DHX35: variants seen among roughly 807,000 people sequenced by gnomAD.
The protein encoded by DHX35 is probable ATP-dependent RNA helicase DHX35.
DHX35 carries 84 observed loss-of-function variants against 99.6 expected under a neutral mutation model. That is an observed-to-expected ratio of 0.84 (90% CI 0.71 to 1.01). The LOEUF (loss-of-function observed/expected upper bound fraction) is 1.01, where lower values mean the gene tolerates loss of function less well. Among genes scored for constraint, DHX35 ranks in the 50% least tolerant of loss-of-function variants. DHX35 has a pLI of 0.00. For missense variants in DHX35, 852 were observed against 888.5 expected, an observed-to-expected ratio of 0.96 and a Z score of 0.52; for synonymous variants, 331 against 316.2, an observed-to-expected ratio of 1.05 and a Z score of -0.50.
intron 18 of DHX35, among the ~76,000 whole-genome samples, chr20:39,026,629 C>T (rs1270592512): frequency 4.6e-5 from 7 of 152,068 alleles, no homozygotes; most frequent in East Asian, 1.9e-4. Context: ...GGTGGGAGTC[C>T]GGTCAAGCTT....
At chr20:39,015,175 A>C (rs1424969048) in intron 14 of DHX35, among the ~76,000 whole-genome samples, 1 of 152,164 alleles carries the variant, frequency 6.6e-6, no homozygotes, top group Non-Finnish European at 1.5e-5. Context: ...TATTAGTAAG[A>C]ATCACCAGGG....
At chr20:39,034,928 A>T (rs1318909215) in intron 21 of DHX35, among the ~76,000 whole-genome samples, 3 of 151,816 alleles carry the variant, frequency 2.0e-5, no homozygotes, top group Non-Finnish European at 2.9e-5. Flanking sequence ...TGAGCTAATT[A>T]AAAAAAATTT....
chr20:39,024,623 C>G (rs1377780700), intron 17 of DHX35, among the ~76,000 whole-genome samples: 1 of 152,192 alleles, frequency 6.6e-6, no homozygotes, highest in African/African-American at 2.4e-5. Context: ...TTGTATTATT[C>G]TATGGTTGCC....
At chr20:38,971,717 GTAT>G (rs1181508319) in intron 2 of DHX35, among the ~76,000 whole-genome samples, 1 of 152,032 alleles carries the variant, frequency 6.6e-6, no homozygotes, top group African/African-American at 2.4e-5. Context: ...AGTTACTAGG[GTAT>G]TATTCACACT....
At chr20:38,976,748 C>T (rs543856833) in intron 3 of DHX35, among the ~76,000 whole-genome samples, 1 of 152,282 alleles carries the variant, frequency 6.6e-6, no homozygotes, top group African/African-American at 2.4e-5. Flanking sequence ...ATTCTCCCTA[C>T]TCCCTGTTCC....
Position 39,006,228 on chromosome 20 carries a change from T to A in DHX35, c.1094T>A (p.Leu365His), listed in dbSNP as rs2086614384. Residue 365 changes from leucine to histidine, a missense_variant, in exon 12 of 22, where the codon CTC becomes CAC. Physicochemically the swap from Leu to His is moderately conservative, Grantham distance 99. Transcript: ENST00000252011. Reference protein sequence around the residue: ...VYVIDCGFVKLRAYNPRTAIE... With the variant: ...VYVIDCGFVKHRAYNPRTAIE... Reference sequence around the variant, plus strand: ...GTGATCGACTGTGGCTTTGTGAAACTCCGAGCCTACAATCCCAGGACAGCT... The same window carrying A: ...GTGATCGACTGTGGCTTTGTGAAACACCGAGCCTACAATCCCAGGACAGCT... 1 of 1,614,144 alleles carries A rather than the reference T, an allele frequency of 6.2e-7. No individual in the cohort carries two copies. Among genetic ancestry groups the A allele is most frequent in the Non-Finnish European group, 8.5e-7 (1 of 1,180,028 alleles).
chr20:39,034,042 A>AG, intron 20 of DHX35, 164 bp from the exon 21 acceptor site: 1 of 601,422 alleles, frequency 1.7e-6, no homozygotes, highest in Non-Finnish European at 3.0e-6. Context: ...CCCAGCACTT[A>AG]GGTCTTGAGG....
intron 5 of DHX35, among the ~76,000 whole-genome samples, 162 bp downstream of exon 5, chr20:38,989,079 G>C (rs2086293531): frequency 6.6e-6 from 1 of 150,980 alleles, no homozygotes; most frequent in African/African-American, 2.4e-5. Context: ...CTAGGAGACA[G>C]AGAGCTCTTC....
chr20:38,972,004 G>GTTTTTTTTT (rs752049458), intron 2 of DHX35, among the ~76,000 whole-genome samples: 112 of 81,002 alleles, frequency 1.4e-3, no homozygotes, highest in South Asian at 2.5e-3. Context: ...GTTTTGTTTT[G>GTTTTTTTTT]TTTTTTTTTT....
intron 19 of DHX35, chr20:39,030,124 CAT>C (rs955135314): frequency 4.6e-5 from 7 of 152,456 alleles, no homozygotes; most frequent in Non-Finnish European, 7.3e-5. Context: ...GGATTACAGG[CAT>C]GTGACACCAC....
At chr20:39,024,461 A>G in intron 17 of DHX35, among the ~76,000 whole-genome samples, 1 of 152,238 alleles carries the variant, frequency 6.6e-6, no homozygotes, top group East Asian at 1.9e-4. Context: ...TTTGAGGAAG[A>G]TTATTCAGTT....
chr20:38,972,013 T>G (rs1436360809), intron 2 of DHX35, among the ~76,000 whole-genome samples: 17 of 142,148 alleles, frequency 1.2e-4, no homozygotes, highest in African/African-American at 2.1e-4. Context: ...TGTTTTTTTT[T>G]TTTTTTTTTT....
At chr20:39,025,570 T>G (rs2086944562) in intron 18 of DHX35, among the ~76,000 whole-genome samples, 1 of 152,228 alleles carries the variant, frequency 6.6e-6, no homozygotes, top group Non-Finnish European at 1.5e-5. Context: ...CTGATGGGCA[T>G]TCTTACTAAA....
At chr20:39,020,616 A>T (rs1481746133) in intron 15 of DHX35, among the ~76,000 whole-genome samples, 1 of 149,630 alleles carries the variant, frequency 6.7e-6, no homozygotes, top group East Asian at 2.0e-4. Flanking sequence ...ATGTTTTGGA[A>T]CAACCACTTG....
At chr20:38,994,553 T>C (rs1179491276) in intron 7 of DHX35, among the ~76,000 whole-genome samples, 1 of 152,058 alleles carries the variant, frequency 6.6e-6, no homozygotes, top group East Asian at 1.9e-4. Context: ...TTAAAGCTTC[T>C]TTATAGTTTT....
intron 12 of DHX35, among the ~76,000 whole-genome samples, chr20:39,007,977 GCCTC>G (rs1452393000): frequency 6.6e-6 from 1 of 152,256 alleles, no homozygotes; most frequent in East Asian, 1.9e-4. Context: ...TGTGACCACT[GCCTC>G]CATCTAGTTT....
intron 3 of DHX35, among the ~76,000 whole-genome samples, chr20:38,975,727 T>C (rs1352642666): frequency 6.6e-6 from 1 of 152,252 alleles, no homozygotes; most frequent in Non-Finnish European, 1.5e-5. Context: ...TTGGGTTGGC[T>C]TTGAGATTCT....
At chr20:38,964,906 A>C (rs527453256) in intron 1 of DHX35, among the ~76,000 whole-genome samples, 1 of 152,328 alleles carries the variant, frequency 6.6e-6, no homozygotes, top group South Asian at 2.1e-4. Context: ...TTGGAGAGAC[A>C]TTTTAGAGGA....
intron 4 of DHX35, among the ~76,000 whole-genome samples, chr20:38,985,576 TG>T (rs1282703951): frequency 2.0e-5 from 3 of 151,670 alleles, no homozygotes; most frequent in African/African-American, 2.4e-5. Flanking sequence ...AGAAGTTATG[TG>T]TGTGTGTGTG....
Sources: allele counts gnomAD v4.1 joint callset (sites outside exome capture counted in the v4.1 genomes callset), GRCh38; gene constraint gnomAD v4.1.1; transcripts MANE v1.5; gene names NCBI Gene and HGNC (gene_info 2026-07-23, HGNC 2026-07-21).